Variants in CDK19 observed in about 807,000 individuals in gnomAD.
CDK19 encodes the protein cyclin dependent kinase 19, also known as cyclin-dependent kinase 19.
A neutral mutation model predicts 68.3 loss-of-function variants in CDK19; 20 were observed. The observed-to-expected ratio is 0.29, with a 90% CI of 0.21 to 0.43. The LOEUF is 0.43. Ranked by LOEUF, CDK19 falls within the 20% of genes least tolerant of loss-of-function variation. The pLI is 1.00. For missense variants in CDK19, 339 were observed against 623.5 expected, an observed-to-expected ratio of 0.54 and a Z score of 4.86; for synonymous variants, 221 against 222.8, an observed-to-expected ratio of 0.99 and a Z score of 0.07.
chr6:110,672,295 A>T (rs1771083448), intron 2 of CDK19, among the ~76,000 whole-genome samples: 1 of 152,164 alleles, frequency 6.6e-6, no homozygotes, highest in African/African-American at 2.4e-5. Flanking sequence ...CCACTTCCGC[A>T]TCTAAACCAG....
intron 2 of CDK19, chr6:110,706,810 T>C (rs1296474137): frequency 4.8e-6 from 1 of 208,814 alleles, no homozygotes; most frequent in South Asian, 9.0e-5. Flanking sequence ...ATACCCTTGA[T>C]GTCTACAATA....
At chr6:110,618,221 C>T (rs1179131556) in intron 12 of CDK19, among the ~76,000 whole-genome samples, 1 of 152,130 alleles carries the variant, frequency 6.6e-6, no homozygotes, top group African/African-American at 2.4e-5. Context: ...GCACCTCTGC[C>T]TCCCAGGTTC....
At chr6:110,634,977 A>G (rs1415502575) in intron 5 of CDK19, among the ~76,000 whole-genome samples, 1 of 152,262 alleles carries the variant, frequency 6.6e-6, no homozygotes, top group Non-Finnish European at 1.5e-5. Flanking sequence ...GAACTTTAAA[A>G]GAGTTTCAAA....
chr6:110,646,673 GTC>G (rs1481279838), intron 4 of CDK19: 1 of 478,702 alleles, frequency 2.1e-6, no homozygotes. Context: ...TTTGCTATAT[GTC>G]TCTCTGGGAA....
chr6:110,771,787 C>T (rs1329413596), intron 1 of CDK19, among the ~76,000 whole-genome samples: 3 of 152,190 alleles, frequency 2.0e-5, no homozygotes, highest in African/African-American at 2.4e-5. Flanking sequence ...ATTTCTTCCG[C>T]CAGATATCCT....
At chr6:110,776,790 G>C (rs1347052019) in intron 1 of CDK19, among the ~76,000 whole-genome samples, 1 of 152,140 alleles carries the variant, frequency 6.6e-6, no homozygotes, top group Non-Finnish European at 1.5e-5. Flanking sequence ...GAAAACCAAA[G>C]AGATAAATTC....
intron 1 of CDK19, among the ~76,000 whole-genome samples, chr6:110,751,380 G>A (rs1778462600): frequency 6.6e-6 from 1 of 152,074 alleles, no homozygotes; most frequent in Admixed American, 6.6e-5. Flanking sequence ...TGAACTGCAC[G>A]TGCAAGAGAC....
In CDK19 at chr6:110,759,428, A is replaced by AAAAAAATAT. The variant is rs1275389842; in HGVS notation, c.129-13228_129-13227insATATTTTTT. Among the ~76,000 whole-genome samples, 35 of 50,886 alleles carry AAAAAAATAT rather than the reference A, an allele frequency of 6.9e-4. No individual in the cohort carries two copies. The East Asian group carries it at 0.015, about 22-fold the overall frequency. The allele number at this position is 50,886 out of a possible 152,430, so 33.4% of individuals were successfully genotyped here. ...TTAAAAAAAAAAAAAAAAAAAAAAA[A>AAAAAAATAT]ATATATATATATATATATATATAAA... On this transcript the variant is annotated intron_variant, in intron 1 of 12. Transcript: ENST00000368911.
chr6:110,686,154 G>A (rs1359974721), intron 2 of CDK19, among the ~76,000 whole-genome samples: 1 of 152,182 alleles, frequency 6.6e-6, no homozygotes, highest in Non-Finnish European at 1.5e-5. Flanking sequence ...GAGCCTTGGG[G>A]ACTTTACAGC....
At chr6:110,719,507 G>C (rs1392581302) in intron 2 of CDK19, among the ~76,000 whole-genome samples, 1 of 152,070 alleles carries the variant, frequency 6.6e-6, no homozygotes, top group Non-Finnish European at 1.5e-5. Context: ...CTGGGTGACA[G>C]GGTGAGACCC....
At chr6:110,665,168 T>C (rs750434570) in intron 4 of CDK19, among the ~76,000 whole-genome samples, 1 of 152,104 alleles carries the variant, frequency 6.6e-6, no homozygotes, top group Non-Finnish European at 1.5e-5. Flanking sequence ...CGAAAGTAGA[T>C]TGGAAGGGAA....
At chr6:110,777,586 T>A (rs1780498605) in intron 1 of CDK19, among the ~76,000 whole-genome samples, 1 of 152,088 alleles carries the variant, frequency 6.6e-6, no homozygotes, top group Non-Finnish European at 1.5e-5. Context: ...AGTATAGTGG[T>A]TCATCAAAAA....
chr6:110,674,730 G>A (rs891772294), intron 2 of CDK19, among the ~76,000 whole-genome samples: 7 of 152,000 alleles, frequency 4.6e-5, no homozygotes, highest in East Asian at 1.9e-4. Context: ...GTGAAACCCC[G>A]TCTCTACTAA....
intron 4 of CDK19, among the ~76,000 whole-genome samples, chr6:110,647,048 G>A (rs1254271655): frequency 1.3e-5 from 2 of 151,324 alleles, no homozygotes; most frequent in African/African-American, 4.9e-5. Flanking sequence ...CACCCACCAC[G>A]ACCCGACACT....
At chr6:110,683,701 CTTTT>C (rs200335188) in intron 2 of CDK19, among the ~76,000 whole-genome samples, 6 of 127,386 alleles carry the variant, frequency 4.7e-5, no homozygotes, top group Admixed American at 8.1e-5. Flanking sequence ...AGTATTTAAT[CTTTT>C]TTTTTTTTTT....
chr6:110,720,867 C>CA (rs60184209), intron 2 of CDK19, among the ~76,000 whole-genome samples: 21,439 of 92,312 alleles, frequency 0.23, 1,880 homozygotes, highest in South Asian at 0.36. Context: ...GACTCTGTCT[C>CA]AAAAAAAAAA....
intron 1 of CDK19, among the ~76,000 whole-genome samples, chr6:110,811,747 T>A (rs1783117382): frequency 6.6e-6 from 1 of 152,126 alleles, no homozygotes; most frequent in African/African-American, 2.4e-5. Context: ...AAGAGTAACA[T>A]TTGGCTGGGT....
chr6:110,749,774 C>T (rs1044864798), intron 1 of CDK19, among the ~76,000 whole-genome samples: 3 of 151,452 alleles, frequency 2.0e-5, no homozygotes, highest in African/African-American at 7.3e-5. Flanking sequence ...AATGACCACA[C>T]TATTTTTTTT....
At chr6:110,697,397 A>C (rs1291685683) in intron 2 of CDK19, among the ~76,000 whole-genome samples, 1 of 152,148 alleles carries the variant, frequency 6.6e-6, no homozygotes, top group Non-Finnish European at 1.5e-5. Context: ...GCTGCAAAAA[A>C]ATAAAATAAA....
Sources: gnomAD v4.1 joint callset for allele counts (sites outside exome capture counted in the v4.1 genomes callset) on GRCh38, gnomAD v4.1.1 for gene constraint, MANE v1.5 for transcripts, NCBI Gene and HGNC (gene_info 2026-07-23, HGNC 2026-07-21) for gene names.